MYBPC1: variants seen among roughly 807,000 people sequenced by gnomAD.
The protein encoded by MYBPC1 is myosin-binding protein C, slow-type.
Under a neutral mutation model 147.1 loss-of-function variants are expected in MYBPC1, and 52 were observed. That is an observed-to-expected ratio of 0.35 (90% CI 0.28 to 0.45). The LOEUF (loss-of-function observed/expected upper bound fraction) is 0.45, where lower values mean the gene tolerates loss of function less well. MYBPC1 is among the 20% of genes least tolerant of loss of function. MYBPC1 has a pLI of 1.00. For missense variants in MYBPC1, 1,228 were observed against 1,440.3 expected, an observed-to-expected ratio of 0.85 and a Z score of 2.39; for synonymous variants, 477 against 475.9, an observed-to-expected ratio of 1.00 and a Z score of -0.03.
chr12:101,635,330 G>A lies in MYBPC1; in HGVS notation c.608+725G>A, dbSNP rs192953036. On this transcript the variant is annotated intron_variant, in intron 9 of 31. Coordinates refer to ENST00000361466, the MANE Select transcript of MYBPC1 (RefSeq NM_002465.4). The stretch of plus-strand genomic sequence containing the variant: ...ATGAGACCAAATGTTTTGTTCTTCC[G>A]AAGACTGAATCCACATACAGAATCC... 8.4e-4 allele frequency among the ~76,000 whole-genome samples: 128 copies of A among 152,048 alleles called. 1 individual carries two copies. The South Asian group carries it at 0.021, about 25-fold the overall frequency.
chr12:101,685,722 T>A lies in MYBPC1; in HGVS notation c.*160T>A. The A allele has an allele frequency of 3.6e-6, 5 of 1,381,898 alleles. No individual in the cohort carries two copies. Among genetic ancestry groups the A allele is most frequent in the Non-Finnish European group, 4.9e-6 (5 of 1,020,404 alleles). 85.6% of individuals were successfully genotyped at this position (1,381,898 alleles called of 1,614,324 possible). On this transcript the variant is annotated 3_prime_UTR_variant, in exon 32 of 32. Coordinates refer to ENST00000361466, the MANE Select transcript of MYBPC1 (RefSeq NM_002465.4). ...ACTGTCTCTCTGCACTCTGCTGCTT[T>A]GAAATCTGGTTGAAATGAGAAAAAG...
intron 3 of MYBPC1, among the ~76,000 whole-genome samples, chr12:101,621,809 T>C (rs1247649964): frequency 6.6e-6 from 1 of 152,204 alleles, no homozygotes; most frequent in Non-Finnish European, 1.5e-5. Flanking sequence ...TGGAGCTTTT[T>C]ATTCAGTTAC....
At chr12:101,682,345 T>C (rs1360963392) in intron 29 of MYBPC1, among the ~76,000 whole-genome samples, 1 of 152,218 alleles carries the variant, frequency 6.6e-6, no homozygotes, top group Non-Finnish European at 1.5e-5. Context: ...TGATATATTC[T>C]TTTTAGTGAA....
chr12:101,671,353 TCACACATG>T (rs1348250700), intron 24 of MYBPC1, among the ~76,000 whole-genome samples: 5 of 134,736 alleles, frequency 3.7e-5, no homozygotes, highest in East Asian at 4.2e-4. Context: ...ACACACACAC[TCACACATG>T]CACACATGCA....
intron 1 of MYBPC1, 85 bp from the exon 2 acceptor site, chr12:101,614,411 C>T: frequency 2.0e-6 from 3 of 1,497,070 alleles, no homozygotes; most frequent in East Asian, 2.3e-5. Flanking sequence ...TGGCTGCCTG[C>T]AGCAGAAGCT....
At chr12:101,603,061 C>T (rs1731735059) in intron 1 of MYBPC1, among the ~76,000 whole-genome samples, 1 of 152,120 alleles carries the variant, frequency 6.6e-6, no homozygotes, top group African/African-American at 2.4e-5. Flanking sequence ...ATTTCTCTCC[C>T]TGGCCAGGCG....
At chr12:101,615,994 G>C (rs1006354886) in intron 2 of MYBPC1, among the ~76,000 whole-genome samples, 4 of 151,230 alleles carry the variant, frequency 2.6e-5, no homozygotes, top group African/African-American at 9.7e-5. Flanking sequence ...TCAAACTCTT[G>C]GGCGCAAGCA....
chr12:101,625,520 T>A (rs1242743943), intron 3 of MYBPC1, among the ~76,000 whole-genome samples: 1 of 152,234 alleles, frequency 6.6e-6, no homozygotes, highest in Non-Finnish European at 1.5e-5. Context: ...ATACAAGTTT[T>A]TCACACCAGC....
chr12:101,610,427 C>T (rs543463646), intron 1 of MYBPC1, among the ~76,000 whole-genome samples: 40 of 152,286 alleles, frequency 2.6e-4, no homozygotes, highest in African/African-American at 9.1e-4. Context: ...ATCCCAAATG[C>T]AAACACGTTT....
At chr12:101,596,500 T>C (rs969632816) in intron 1 of MYBPC1, among the ~76,000 whole-genome samples, 1 of 152,240 alleles carries the variant, frequency 6.6e-6, no homozygotes, top group African/African-American at 2.4e-5. Flanking sequence ...GTTTCCAAAC[T>C]GGAAACACAA....
chr12:101,652,501 A>G (rs767501960), intron 16 of MYBPC1, among the ~76,000 whole-genome samples, 177 bp from the exon 17 acceptor site: 1 of 151,988 alleles, frequency 6.6e-6, no homozygotes, highest in Non-Finnish European at 1.5e-5. Context: ...TGAATCAATA[A>G]GTAGGATAAT....
At chr12:101,692,427 G>T in the MYBPC1 span, among the ~76,000 whole-genome samples, 6 of 152,138 alleles carry the variant, frequency 3.9e-5, no homozygotes, top group Admixed American at 3.3e-4. Flanking sequence ...TTTTGCAGTC[G>T]TTGGGAACAT....
chr12:101,657,960 C>T (rs141238295), intron 18 of MYBPC1, among the ~76,000 whole-genome samples: 2,173 of 152,076 alleles, frequency 0.014, 63 homozygotes, highest in African/African-American at 0.05. Flanking sequence ...GAAACCCCGT[C>T]TCTACTAAAA....
At chr12:101,608,077 C>T (rs2038936691) in intron 1 of MYBPC1, among the ~76,000 whole-genome samples, 1 of 152,206 alleles carries the variant, frequency 6.6e-6, no homozygotes, top group African/African-American at 2.4e-5. Context: ...GCAGGCATGC[C>T]ATTGGTGGCA....
chr12:101,694,859 A>G, the MYBPC1 span, among the ~76,000 whole-genome samples: 4 of 152,216 alleles, frequency 2.6e-5, no homozygotes, highest in African/African-American at 9.6e-5. Context: ...CTTGCTATAT[A>G]ATATTAAATT....
At chr12:101,618,792 G>A (rs860360) in intron 3 of MYBPC1, among the ~76,000 whole-genome samples, 54,157 of 151,464 alleles carry the variant, frequency 0.36, 10,127 homozygotes, top group East Asian at 0.58. Context: ...TTTTTCTGAC[G>A]TTTGCAGAAG....
chr12:101,640,577 T>C (rs1891828904), intron 10 of MYBPC1, among the ~76,000 whole-genome samples: 2 of 152,222 alleles, frequency 1.3e-5, no homozygotes. Context: ...TGTCTAGTCC[T>C]TCCCATCAAG....
intron 3 of MYBPC1, among the ~76,000 whole-genome samples, chr12:101,617,946 C>T (rs1376921278): frequency 1.3e-5 from 2 of 152,270 alleles, no homozygotes; most frequent in East Asian, 3.9e-4. Context: ...GAGCATTAGT[C>T]TTTCATAGAG....
chr12:101,639,440 G>A (rs1433435457), intron 10 of MYBPC1, among the ~76,000 whole-genome samples: 1 of 152,212 alleles, frequency 6.6e-6, no homozygotes, highest in Admixed American at 6.5e-5. Flanking sequence ...TGCTGGAGGT[G>A]AGAGCCTTGA....
Sources: allele counts gnomAD v4.1 joint callset (sites outside exome capture counted in the v4.1 genomes callset), GRCh38; gene constraint gnomAD v4.1.1; transcripts MANE v1.5; gene names NCBI Gene and HGNC (gene_info 2026-07-23, HGNC 2026-07-21).